FOCAD: variants seen among roughly 807,000 people sequenced by gnomAD.
FOCAD encodes focadhesin, also known as KIAA1797.
In FOCAD, 198 loss-of-function variants were observed where a neutral mutation model predicts 225.6. The ratio of observed to expected loss-of-function variants is 0.88; its 90% CI spans 0.78 to 0.99. The LOEUF is 0.99. Among genes scored for constraint, FOCAD ranks in the 50% least tolerant of loss-of-function variants. FOCAD has a pLI of 0.00. For synonymous variants in FOCAD, 897 were observed against 755.0 expected, an observed-to-expected ratio of 1.19 and a Z score of -3.08; for missense variants, 2,713 against 2,123.6, an observed-to-expected ratio of 1.28 and a Z score of -5.46.
chr9:20,979,730 T>G (rs1309724337), intron 37 of FOCAD, among the ~76,000 whole-genome samples: 1 of 152,212 alleles, frequency 6.6e-6, no homozygotes, highest in East Asian at 1.9e-4. Flanking sequence ...TGTCAGGTAT[T>G]AACTTCATTC....
At chr9:20,779,601 T>A (rs1587133133) in intron 9 of FOCAD, among the ~76,000 whole-genome samples, 1 of 152,076 alleles carries the variant, frequency 6.6e-6, no homozygotes, top group East Asian at 1.9e-4. Context: ...TACAAAAAAA[T>A]TAGCCAGGCG....
At chr9:20,712,268 C>G (rs1824912549) in intron 1 of FOCAD, among the ~76,000 whole-genome samples, 1 of 152,094 alleles carries the variant, frequency 6.6e-6, no homozygotes, top group Non-Finnish European at 1.5e-5. Flanking sequence ...GATGGCAGCT[C>G]TATCTTTTCT....
chr9:20,916,357 G>C (rs1171452184), intron 23 of FOCAD, among the ~76,000 whole-genome samples: 1 of 152,062 alleles, frequency 6.6e-6, no homozygotes, highest in East Asian at 1.9e-4. Flanking sequence ...GCTTTCCTGT[G>C]ACTATATAAC....
Position 20,770,258 on chromosome 9 carries a change from A to T in FOCAD, c.906+20A>T, listed in dbSNP as rs186635487. ...AAGGAGGTAAGGATAGTAGTATATTATACTGTTCATGCATTGCTATTAAGA... is the reference window on the plus strand; with the variant it reads ...AAGGAGGTAAGGATAGTAGTATATTTTACTGTTCATGCATTGCTATTAAGA... On this transcript the variant is annotated intron_variant, in intron 8 of 43. Coordinates refer to ENST00000338382, the MANE Select transcript of FOCAD (RefSeq NM_001375567.1). 5,239 of 1,591,408 alleles carry T rather than the reference A, an allele frequency of 3.3e-3. 15 individuals are homozygous for T. The highest frequency in any genetic ancestry group is 5.2e-3 in the Middle Eastern group (31 of 6,016).
At chr9:20,698,828 A>G (rs1823599679) in intron 1 of FOCAD, among the ~76,000 whole-genome samples, 1 of 152,130 alleles carries the variant, frequency 6.6e-6, no homozygotes. Flanking sequence ...TTTATCTTTT[A>G]GATTTGTCCA....
chr9:20,844,656 C>T (rs1041589165), intron 15 of FOCAD, among the ~76,000 whole-genome samples: 3 of 151,894 alleles, frequency 2.0e-5, no homozygotes, highest in East Asian at 1.9e-4. Flanking sequence ...CCACTGTACC[C>T]GGCCTCATCT....
chr9:20,971,364 A>G (rs574313664), intron 35 of FOCAD, among the ~76,000 whole-genome samples: 1 of 152,234 alleles, frequency 6.6e-6, no homozygotes, highest in South Asian at 2.1e-4. Context: ...CTATTTCTGA[A>G]TATGCATCTT....
chr9:20,907,390 C>CAT (rs144669031), intron 22 of FOCAD, 148 bp downstream of exon 22: 6 of 703,088 alleles, frequency 8.5e-6, no homozygotes, highest in East Asian at 5.0e-5. Context: ...GAATGTGAGG[C>CAT]ATATATATAT....
intron 15 of FOCAD, among the ~76,000 whole-genome samples, chr9:20,845,232 A>T (rs1826959001): frequency 6.6e-6 from 1 of 152,038 alleles, no homozygotes; most frequent in African/African-American, 2.4e-5. Flanking sequence ...CAAAAATCAG[A>T]AAATATGGAT....
In FOCAD at chr9:20,800,342, C is replaced by T. The variant is rs564396246; in HGVS notation, c.1455+10734C>T. ...TTATGTGTCTTGGAGTTGCTCTTCT[C>T]GAGGAGTATCTTTGTGGCATTCTCT... On this transcript the variant is annotated intron_variant, in intron 11 of 43. Transcript: ENST00000338382. Among the ~76,000 whole-genome samples the T allele has an allele frequency of 9.5e-4, 144 of 152,108 alleles. 1 individual carries two copies. Among genetic ancestry groups the T allele is most frequent in the Non-Finnish European group, 1.8e-3 (123 of 68,006 alleles).
chr9:20,713,174 C>T (rs1387711086), intron 1 of FOCAD, among the ~76,000 whole-genome samples: 3 of 152,200 alleles, frequency 2.0e-5, no homozygotes, highest in East Asian at 1.9e-4. Flanking sequence ...CCATTTCACT[C>T]AGGATAAGTG....
intron 21 of FOCAD, among the ~76,000 whole-genome samples, chr9:20,899,059 G>A (rs560231676): frequency 2.6e-5 from 4 of 151,916 alleles, no homozygotes; most frequent in Admixed American, 2.6e-4. Flanking sequence ...CTTGGAGATG[G>A]GTATTGCTTT....
At chr9:20,659,971 T>G (rs1238054765) in intron 2 of FOCAD, among the ~76,000 whole-genome samples, 1 of 152,222 alleles carries the variant, frequency 6.6e-6, no homozygotes, top group Non-Finnish European at 1.5e-5. Flanking sequence ...GGTTTCTTGC[T>G]CAAGTGGCTG....
At chr9:20,749,620 A>G (rs958406938) in intron 5 of FOCAD, among the ~76,000 whole-genome samples, 1 of 152,176 alleles carries the variant, frequency 6.6e-6, no homozygotes, top group African/African-American at 2.4e-5. Flanking sequence ...TGATGTAGTA[A>G]GTGCTATGCT....
chr9:20,974,269 T>A (rs577193778), intron 35 of FOCAD, among the ~76,000 whole-genome samples: 162 of 127,992 alleles, frequency 1.3e-3, no homozygotes, highest in African/African-American at 4.6e-3. Flanking sequence ...ACTTTTGCTG[T>A]CTCTGCCCTA....
At chr9:20,702,031 C>T (rs1341335009) in intron 1 of FOCAD, among the ~76,000 whole-genome samples, 1 of 152,082 alleles carries the variant, frequency 6.6e-6, no homozygotes, top group Non-Finnish European at 1.5e-5. Flanking sequence ...ATGTTCATGG[C>T]TCTGAGCAAA....
At chr9:20,956,345 C>T (rs1244483873) in intron 35 of FOCAD, among the ~76,000 whole-genome samples, 1 of 152,082 alleles carries the variant, frequency 6.6e-6, no homozygotes, top group African/African-American at 2.4e-5. Context: ...AAATAGTTTA[C>T]CTGTACAACT....
At position 20,765,029 on chromosome 9, in the gene FOCAD, C is replaced by G. The variant is rs1829935644; in HGVS notation, c.655C>G (p.Gln219Glu). Residue 219 changes from glutamine to glutamate, a missense_variant, in exon 7 of 44, where the codon CAG becomes GAG. Coordinates refer to ENST00000338382, the MANE Select transcript of FOCAD (RefSeq NM_001375567.1). Reference protein sequence around the residue: ...CDKDQPSILEQQILQLCCDIV... With the variant: ...CDKDQPSILEEQILQLCCDIV... The stretch of plus-strand genomic sequence containing the variant: ...CAAAGATCAACCATCAATACTGGAA[C>G]AGCAGATACTTCAACTGTGTTGTGA... 2 of 1,613,946 alleles carry G rather than the reference C, an allele frequency of 1.2e-6. No homozygotes were observed. The highest frequency in any genetic ancestry group is 1.3e-5 in the African/African-American group (1 of 74,922).
chr9:20,960,066 A>G (rs543097721), intron 35 of FOCAD, among the ~76,000 whole-genome samples: 1 of 152,218 alleles, frequency 6.6e-6, no homozygotes, highest in East Asian at 1.9e-4. Context: ...TGTTTTTAAT[A>G]GAAAAACAAT....
Sources: allele counts gnomAD v4.1 joint callset (sites outside exome capture counted in the v4.1 genomes callset), GRCh38; gene constraint gnomAD v4.1.1; transcripts MANE v1.5; gene names NCBI Gene and HGNC (gene_info 2026-07-23, HGNC 2026-07-21).